The following PPP2R2C variants were observed in gnomAD, a reference collection of about 807,000 sequenced individuals.
PPP2R2C encodes the protein protein phosphatase 2, regulatory subunit B, gamma.
PPP2R2C carries 10 observed loss-of-function variants against 45.3 expected under a neutral mutation model. The observed-to-expected ratio is 0.22, with a 90% CI of 0.14 to 0.37. PPP2R2C has a LOEUF of 0.37. Ranked by LOEUF, PPP2R2C falls within the 10% of genes least tolerant of loss-of-function variation. The pLI is 1.00. For synonymous variants in PPP2R2C, 257 were observed against 245.4 expected (o/e 1.05, Z -0.44); for missense variants, 308 against 619.7 (o/e 0.50, Z 5.34).
intron 1 of PPP2R2C, among the ~76,000 whole-genome samples, chr4:6,550,499 G>A (rs1009955607): frequency 3.9e-5 from 6 of 152,178 alleles, no homozygotes; most frequent in Admixed American, 2.0e-4. Flanking sequence ...TTCCTCTGCC[G>A]GGAATGCTTT....
At chr4:6,436,156 G>A (rs1268465259) in intron 1 of PPP2R2C, among the ~76,000 whole-genome samples, 1 of 152,176 alleles carries the variant, frequency 6.6e-6, no homozygotes, top group Non-Finnish European at 1.5e-5. Flanking sequence ...TTACACCTGG[G>A]TATCAGACTT....
intron 2 of PPP2R2C, among the ~76,000 whole-genome samples, chr4:6,519,973 A>G (rs1302749115): frequency 6.6e-6 from 1 of 152,144 alleles, no homozygotes; most frequent in Non-Finnish European, 1.5e-5. Flanking sequence ...TGCCCCTGCA[A>G]TTCTGCCTGG....
At chr4:6,372,089 G>C (rs994684619) in intron 5 of PPP2R2C, among the ~76,000 whole-genome samples, 1 of 152,212 alleles carries the variant, frequency 6.6e-6, no homozygotes, top group Non-Finnish European at 1.5e-5. Context: ...GTCACCCGAA[G>C]CCCTGGCCGG....
At chr4:6,479,650 G>T (rs183102003) in intron 2 of PPP2R2C, among the ~76,000 whole-genome samples, 1 of 151,982 alleles carries the variant, frequency 6.6e-6, no homozygotes, top group Non-Finnish European at 1.5e-5. Context: ...GAGTCCAAAT[G>T]TAATTGCCAG....
intron 1 of PPP2R2C, chr4:6,383,270 A>C: frequency 8.1e-7 from 1 of 1,235,424 alleles, no homozygotes; most frequent in Non-Finnish European, 1.0e-6. Flanking sequence ...AGCCTCCAGC[A>C]GGGCCCCACT....
chr4:6,376,759 G>A (rs774365225), intron 3 of PPP2R2C, among the ~76,000 whole-genome samples: 37 of 152,110 alleles, frequency 2.4e-4, no homozygotes, highest in African/African-American at 6.3e-4. Context: ...TGGCTGACAC[G>A]TCCTTCTTAA....
chr4:6,396,073 C>T (rs1717012437), intron 1 of PPP2R2C, among the ~76,000 whole-genome samples: 1 of 152,200 alleles, frequency 6.6e-6, no homozygotes, highest in Non-Finnish European at 1.5e-5. Flanking sequence ...ACAGTGTGTG[C>T]GAACCCTCGC....
chr4:6,543,713 C>A (rs374397388), intron 1 of PPP2R2C, among the ~76,000 whole-genome samples: 11 of 152,186 alleles, frequency 7.2e-5, no homozygotes, highest in East Asian at 3.9e-4. Context: ...AGCGTGAGCG[C>A]GGAGTGCCAG....
At chr4:6,520,851 A>G (rs1375653211) in intron 2 of PPP2R2C, among the ~76,000 whole-genome samples, 1 of 152,240 alleles carries the variant, frequency 6.6e-6, no homozygotes, top group Non-Finnish European at 1.5e-5. Context: ...GTTATCAGCC[A>G]TGTTTCACAC....
intron 2 of PPP2R2C, among the ~76,000 whole-genome samples, chr4:6,521,833 T>TA (rs755773762): frequency 2.0e-5 from 3 of 152,160 alleles, no homozygotes; most frequent in Non-Finnish European, 1.5e-5. Flanking sequence ...ACCCTCATAT[T>TA]ACAAATGAGG....
intron 1 of PPP2R2C, among the ~76,000 whole-genome samples, chr4:6,406,606 A>C (rs1369283178): frequency 6.6e-6 from 1 of 151,914 alleles, no homozygotes; most frequent in Non-Finnish European, 1.5e-5. Flanking sequence ...GCCAAAAAAA[A>C]AATAGCTGGG....
At chr4:6,435,374 T>A (rs1297935316) in intron 1 of PPP2R2C, among the ~76,000 whole-genome samples, 1 of 152,216 alleles carries the variant, frequency 6.6e-6, no homozygotes, top group East Asian at 1.9e-4. Context: ...TGTTACCACC[T>A]CTCCTGAGTT....
chr4:6,512,554 A>ATGG (rs1184706259), intron 2 of PPP2R2C, among the ~76,000 whole-genome samples: 1 of 33,984 alleles, frequency 2.9e-5, no homozygotes, highest in East Asian at 1.7e-3. Context: ...GATGGTGGTG[A>ATGG]TGGTGGTGGT....
chr4:6,560,200 A>G (rs962128224), intron 1 of PPP2R2C, among the ~76,000 whole-genome samples: 2 of 152,210 alleles, frequency 1.3e-5, no homozygotes, highest in Non-Finnish European at 2.9e-5. Flanking sequence ...ACCCTCCTGG[A>G]GGAGGGCAAG....
At chr4:6,387,493 G>A (rs971534161) in intron 1 of PPP2R2C, among the ~76,000 whole-genome samples, 1 of 152,120 alleles carries the variant, frequency 6.6e-6, no homozygotes, top group African/African-American at 2.4e-5. Context: ...CCAGAATTCT[G>A]AATTCAGTCG....
At chr4:6,468,434 T>C (rs1467718083) in intron 1 of PPP2R2C, among the ~76,000 whole-genome samples, 1 of 152,148 alleles carries the variant, frequency 6.6e-6, no homozygotes. Flanking sequence ...TAGGAAAACA[T>C]GGGTACATCC....
Position 6,420,603 on chromosome 4 carries a change from G to C in PPP2R2C, c.71-39509C>G, listed in dbSNP as rs1368518809. Among the ~76,000 whole-genome samples, 3 of 152,260 alleles carry C rather than the reference G, an allele frequency of 2.0e-5. No individual in the cohort carries two copies. The East Asian group carries it at 5.8e-4, about 29-fold the overall frequency. ...TCTGACTCCCACCTGCTTAGGTCTG[G>C]AAAGGGAACCACTGTTGGTTAAGCT... On this transcript the variant is annotated intron_variant, in intron 1 of 8. Transcript: ENST00000382599.
intron 2 of PPP2R2C, among the ~76,000 whole-genome samples, chr4:6,497,474 GA>G (rs1355640459): frequency 1.3e-5 from 2 of 150,172 alleles, no homozygotes; most frequent in African/African-American, 4.9e-5. Context: ...TTTTGGAAAA[GA>G]AAAAAAAATT....
At chr4:6,415,301 G>A (rs7658616) in intron 1 of PPP2R2C, among the ~76,000 whole-genome samples, 62,384 of 152,248 alleles carry the variant, frequency 0.41, 13,369 homozygotes, top group Non-Finnish European at 0.48. Context: ...ACCACCGGCC[G>A]TTTCAATCCA....
Sources: gnomAD v4.1 joint callset for allele counts (sites outside exome capture counted in the v4.1 genomes callset) on GRCh38, gnomAD v4.1.1 for gene constraint, MANE v1.5 for transcripts, NCBI Gene and HGNC (gene_info 2026-07-23, HGNC 2026-07-21) for gene names.